Variants in TMEM67 observed in about 807,000 individuals in gnomAD.
TMEM67 encodes transmembrane protein 67.
TMEM67 carries 124 observed loss-of-function variants against 136.6 expected under a neutral mutation model. The ratio of observed to expected loss-of-function variants is 0.91; its 90% CI spans 0.78 to 1.05. The LOEUF is 1.05. Ranked by LOEUF, TMEM67 falls within the 50% of genes least tolerant of loss-of-function variation. The pLI is 0.00. For missense variants in TMEM67, 1,107 were observed against 1,178.4 expected (o/e 0.94, Z 0.89); for synonymous variants, 364 against 390.5 (o/e 0.93, Z 0.80).
intron 26 of TMEM67, among the ~76,000 whole-genome samples, chr8:93,814,459 CT>C (rs573645972): frequency 1.5e-5 from 2 of 129,658 alleles, no homozygotes; most frequent in Non-Finnish European, 3.3e-5. Flanking sequence ...TTTCATCGGG[CT>C]TTTTTTTGTT....
intron 16 of TMEM67, among the ~76,000 whole-genome samples, chr8:93,794,279 C>A (rs1286102172): frequency 2.0e-5 from 3 of 151,988 alleles, no homozygotes; most frequent in Admixed American, 2.0e-4. Flanking sequence ...GAAAACCGTC[C>A]CTATATCAAG....
At chr8:93,799,533 G>GT in intron 20 of TMEM67, 85 bp from the exon 21 acceptor site, 1 of 1,353,216 alleles carries the variant, frequency 7.4e-7, no homozygotes, top group Non-Finnish European at 1.0e-6. Context: ...TTCAAGGTGA[G>GT]TAGGGAGAGG....
At chr8:93,774,389 T>C (rs1176213379) in intron 7 of TMEM67, among the ~76,000 whole-genome samples, 1 of 152,204 alleles carries the variant, frequency 6.6e-6, no homozygotes, top group Non-Finnish European at 1.5e-5. Flanking sequence ...TACTTTAAGT[T>C]CTAGGGTACA....
At chr8:93,821,966 G>T (rs1809047864), downstream of TMEM67, among the ~76,000 whole-genome samples, 1 of 152,094 alleles carries the variant, frequency 6.6e-6, no homozygotes, top group South Asian at 2.1e-4. Context: ...ACAATTTGTG[G>T]TAAATTTATA....
At chr8:93,808,270 AATAT>A (rs1252479065) in intron 23 of TMEM67, among the ~76,000 whole-genome samples, 26 of 144,434 alleles carry the variant, frequency 1.8e-4, no homozygotes, top group Admixed American at 1.4e-3. Context: ...TAAATATATA[AATAT>A]ATATACCTAT....
intron 3 of TMEM67, among the ~76,000 whole-genome samples, chr8:93,761,677 G>T (rs1812842009): frequency 6.6e-6 from 1 of 152,162 alleles, no homozygotes; most frequent in African/African-American, 2.4e-5. Context: ...TCTACACATA[G>T]TGCTATGGAA....
intron 18 of TMEM67, among the ~76,000 whole-genome samples, chr8:93,796,705 A>G (rs1233290170): frequency 6.6e-6 from 1 of 152,240 alleles, no homozygotes; most frequent in Non-Finnish European, 1.5e-5. Context: ...GAAAAAAAAG[A>G]CAGTAAGAGC....
chr8:93,791,862 CCT>C (rs1377088787), intron 15 of TMEM67: 2 of 152,396 alleles, frequency 1.3e-5, no homozygotes, highest in East Asian at 1.9e-4. Context: ...TTATTCTCCC[CCT>C]CTCATTTTTT....
Position 93,816,516 on chromosome 8 carries a change from G to C in TMEM67, c.*64G>C, listed in dbSNP as rs747512381. 8.0e-6 allele frequency: 7 copies of C among 876,330 alleles called. No homozygotes were observed. The highest frequency in any genetic ancestry group is 1.1e-5 in the Non-Finnish European group (6 of 531,304). 54.3% of individuals were successfully genotyped at this position (876,330 alleles called of 1,614,324 possible). ...GGCCAAAAAAAAGTCATGATATCAG[G>C]TTAGTTTGCCATATTTTTTAAAACT... On this transcript the variant is annotated 3_prime_UTR_variant, in exon 28 of 28. Transcript: ENST00000453321.
the TMEM67 span, among the ~76,000 whole-genome samples, chr8:93,829,958 C>T: frequency 2.6e-5 from 4 of 152,148 alleles, no homozygotes; most frequent in Non-Finnish European, 5.9e-5. Context: ...CATAAATTCC[C>T]TGAGCTACCT....
intron 11 of TMEM67, 111 bp downstream of exon 11, chr8:93,782,571 GTTTTTTTTTT>G (rs1238113432): frequency 6.5e-6 from 3 of 464,038 alleles, no homozygotes; most frequent in Admixed American, 3.7e-5. Context: ...TTTATTCTTG[GTTTTTTTTTT>G]TTTTTTTTTG....
chr8:93,768,806 C>T (rs909991843), intron 6 of TMEM67, among the ~76,000 whole-genome samples: 3 of 152,028 alleles, frequency 2.0e-5, no homozygotes, highest in African/African-American at 7.2e-5. Context: ...TTCTATTCCA[C>T]CTCCACATTC....
In TMEM67 at chr8:93,815,430, A is replaced by G. The variant is rs1563486544; in HGVS notation, c.2890A>G (p.Thr964Ala). Residue 964 changes from threonine (T) to alanine (A), a missense_variant, in exon 27 of 28, where the codon ACA becomes GCA. Physicochemically the swap from Thr to Ala is moderately conservative, Grantham distance 58. Transcript: ENST00000453321. Reference protein sequence around the residue: ...CQNFILASFLTYLQQEIFRYI... With the variant: ...CQNFILASFLAYLQQEIFRYI... ...AAATTTTATTTTAGCATCCTTCCTTACATATCTACAACAAGAGGTAAACTT... is the reference window on the plus strand; with the variant it reads ...AAATTTTATTTTAGCATCCTTCCTTGCATATCTACAACAAGAGGTAAACTT... 2 of 1,612,466 alleles carry G rather than the reference A, an allele frequency of 1.2e-6. No homozygotes were observed. Among genetic ancestry groups the G allele is most frequent in the Non-Finnish European group, 1.7e-6 (2 of 1,179,580 alleles).
At chr8:93,785,719 T>C in intron 12 of TMEM67, 1 of 217,926 alleles carries the variant, frequency 4.6e-6, no homozygotes, top group South Asian at 9.4e-5. Context: ...TGTTATAAAA[T>C]TCTGCTTTTT....
At chr8:93,808,564 T>G (rs1808558252) in intron 23 of TMEM67, among the ~76,000 whole-genome samples, 1 of 11,434 alleles carries the variant, frequency 8.7e-5, no homozygotes, top group African/African-American at 2.6e-4. Context: ...ATAATATATC[T>G]ATTATAGATA....
chr8:93,798,846 TTACAA>T (rs1814737862), intron 20 of TMEM67, among the ~76,000 whole-genome samples: 1 of 152,170 alleles, frequency 6.6e-6, no homozygotes, highest in Admixed American at 6.6e-5. Flanking sequence ...TGTTTATAGT[TTACAA>T]TACAGTGTTT....
Position 93,817,992 on chromosome 8 carries a change from A to C in TMEM67, c.*1540A>C, listed in dbSNP as rs1347891468. The C allele has an allele frequency of 6.6e-6, 1 of 152,250 alleles. No homozygotes were observed. 9.4% of individuals were successfully genotyped at this position (152,250 alleles called of 1,614,324 possible). On this transcript the variant is annotated 3_prime_UTR_variant, in exon 28 of 28. Transcript: ENST00000453321. ...TTAGTGCAAAAGTTTTTAAGTATTA[A>C]ATTTCACAATAAAGGATCAATTGGC...
At chr8:93,764,803 G>A (rs1186010566) in intron 4 of TMEM67, among the ~76,000 whole-genome samples, 2 of 151,922 alleles carry the variant, frequency 1.3e-5, no homozygotes, top group Non-Finnish European at 2.9e-5. Context: ...GCCCCAGCCC[G>A]ACTCCTACCT....
rs1010562359 is a variant in TMEM67, at chr8:93,795,316, A to T, written c.1675-93A>T. ...TGAAACAAGGCTTCAGGCTTAAGAA[A>T]TGGAGTGGATGATGTATAAAAGTGG... On this transcript the variant is annotated intron_variant, in intron 16 of 27. Coordinates refer to ENST00000453321, the MANE Select transcript of TMEM67 (RefSeq NM_153704.6). 3.6e-5 allele frequency: 37 copies of T among 1,015,790 alleles called. No homozygotes were observed. The East Asian group carries it at 6.9e-4, about 19-fold the overall frequency. The allele number at this position is 1,015,790 out of a possible 1,614,324, so 62.9% of individuals were successfully genotyped here.
Sources: gnomAD v4.1 joint callset for allele counts (sites outside exome capture counted in the v4.1 genomes callset) on GRCh38, gnomAD v4.1.1 for gene constraint, MANE v1.5 for transcripts, NCBI Gene and HGNC (gene_info 2026-07-23, HGNC 2026-07-21) for gene names.